Variants in TC2N observed in about 807,000 individuals in gnomAD.
TC2N encodes the protein tandem C2 domains nuclear protein.
TC2N carries 51 observed loss-of-function variants against 61.9 expected under a neutral mutation model. The observed-to-expected ratio is 0.82, with a 90% CI of 0.66 to 1.04. The LOEUF is 1.04. Ranked by LOEUF, TC2N falls within the 50% of genes least tolerant of loss-of-function variation. The pLI is 0.00. For missense variants in TC2N, 556 were observed against 566.7 expected (o/e 0.98, Z 0.19); for synonymous variants, 204 against 192.6 (o/e 1.06, Z -0.49).
intron 1 of TC2N, among the ~76,000 whole-genome samples, chr14:91,823,671 G>T (rs1228669523): frequency 6.6e-6 from 1 of 151,594 alleles, no homozygotes; most frequent in African/African-American, 2.4e-5. Context: ...ATTGCTTTAG[G>T]TAGGGTATGG....
rs571342006 is a variant in TC2N, at chr14:91,802,220, A to G, written c.469+34T>C. On this transcript the variant is annotated intron_variant, in intron 4 of 11. Coordinates refer to ENST00000435962, the MANE Select transcript of TC2N (RefSeq NM_001128596.3). ...TGATTTCTAAATTTCTTAAAGAGAA[A>G]CACAGAGAGGAAAAGCACAAAAGAT... 3.4e-6 allele frequency: 5 copies of G among 1,483,610 alleles called. No homozygotes were observed. In the African/African-American group the frequency reaches 7.3e-5, roughly 22 times the overall value. 91.9% of individuals were successfully genotyped at this position (1,483,610 alleles called of 1,614,324 possible). A position where few individuals can be genotyped will look rare whatever the true frequency, so the allele number is the denominator to read the frequency against.
Position 91,783,185 on chromosome 14 carries a change from T to C in TC2N, c.1388A>G (p.Asn463Ser). Reference protein sequence around the residue: ...GQIWISEDSNNIEAVNQWKET... With the variant: ...GQIWISEDSNSIEAVNQWKET... ...TTTCCACTGGTTCACTGCTTCAATG[T>C]TATTACTGTCTTCACTTATCCAAAT... Residue 463 changes from asparagine to serine, a missense_variant, in exon 12 of 12, where the codon AAC becomes AGC. Physicochemically the swap from Asn to Ser is conservative, Grantham distance 46. Transcript: ENST00000435962. 6.2e-7 allele frequency: 1 copy of C among 1,609,970 alleles called. No homozygotes were observed. The highest frequency in any genetic ancestry group is 1.1e-5 in the South Asian group (1 of 90,800).
In TC2N at chr14:91,820,265, A is replaced by G. The variant is rs537173073; in HGVS notation, c.-56-6440T>C. 6.2e-4 allele frequency among the ~76,000 whole-genome samples: 94 copies of G among 152,220 alleles called. 3 individuals carry two copies. In the South Asian group the frequency reaches 0.019, roughly 31 times the overall value. On this transcript the variant is annotated intron_variant, in intron 1 of 11. Coordinates refer to ENST00000435962, the MANE Select transcript of TC2N (RefSeq NM_001128596.3). ...AGCCAAATCCAGAAACGTATAAAAG[A>G]TTTATGTATCATAACCAAGCAAGAT... is the stretch of plus-strand genomic sequence containing the variant.
At chr14:91,812,279 T>C (rs1178641334) in intron 3 of TC2N, 33 bp downstream of exon 3, 1 of 1,246,762 alleles carries the variant, frequency 8.0e-7, no homozygotes, top group Admixed American at 2.0e-5. Context: ...ATGCTACATA[T>C]CGATTTTTAA....
chr14:91,787,141 A>T lies in TC2N; in HGVS notation c.1162+372T>A, dbSNP rs183324677. Among the ~76,000 whole-genome samples the T allele has an allele frequency of 3.5e-4, 54 of 152,214 alleles. No homozygotes were observed. In the East Asian group the frequency reaches 9.7e-3, roughly 27 times the overall value. On this transcript the variant is annotated intron_variant, in intron 10 of 11. Coordinates refer to ENST00000435962, the MANE Select transcript of TC2N (RefSeq NM_001128596.3). The stretch of plus-strand genomic sequence containing the variant: ...TTCTAGGTTTGTTTTTGATATATAT[A>T]TTTTTTACAATTAAGTTTCTAGTTA...
At chr14:91,861,759 C>A (rs1400089930) in intron 1 of TC2N, among the ~76,000 whole-genome samples, 1 of 152,082 alleles carries the variant, frequency 6.6e-6, no homozygotes, top group Non-Finnish European at 1.5e-5. Flanking sequence ...CCTATTTTTA[C>A]TAGCCAGGCC....
At chr14:91,842,224 A>G (rs1038078577) in intron 1 of TC2N, among the ~76,000 whole-genome samples, 2 of 152,126 alleles carry the variant, frequency 1.3e-5, no homozygotes, top group African/African-American at 4.8e-5. Context: ...GGTTCAAGCC[A>G]TCTGCCCACC....
chr14:91,812,247 A>G (rs935817289), intron 3 of TC2N, 65 bp downstream of exon 3: 12 of 820,118 alleles, frequency 1.5e-5, no homozygotes, highest in Admixed American at 7.0e-5. Flanking sequence ...TAAAAATATA[A>G]AAGTAAAATA....
At chr14:91,828,696 C>A (rs1374155445) in intron 1 of TC2N, among the ~76,000 whole-genome samples, 1 of 152,020 alleles carries the variant, frequency 6.6e-6, no homozygotes, top group Non-Finnish European at 1.5e-5. Context: ...TAGAGTTTAT[C>A]ATAATAGGAT....
chr14:91,805,175 A>G (rs574318374), intron 3 of TC2N, among the ~76,000 whole-genome samples: 57 of 152,264 alleles, frequency 3.7e-4, no homozygotes, highest in African/African-American at 1.3e-3. Context: ...CATGGCAATG[A>G]TTGTCATCAA....
intron 1 of TC2N, among the ~76,000 whole-genome samples, chr14:91,826,156 C>T (rs1887489273): frequency 6.6e-6 from 1 of 151,766 alleles, no homozygotes; most frequent in African/African-American, 2.4e-5. Flanking sequence ...CCTATCTCTA[C>T]AAAAAATTAA....
At chr14:91,843,973 T>C (rs1595273303) in intron 1 of TC2N, among the ~76,000 whole-genome samples, 2 of 152,264 alleles carry the variant, frequency 1.3e-5, no homozygotes, top group Middle Eastern at 6.8e-3. Context: ...CTAATGATGT[T>C]GGGATAGTTT....
chr14:91,790,687 T>C (rs76750875), intron 9 of TC2N, among the ~76,000 whole-genome samples: 1,634 of 152,300 alleles, frequency 0.011, 30 homozygotes, highest in African/African-American at 0.035. Context: ...GTTTTTAAAG[T>C]TTTAATATAT....
At chr14:91,844,478 T>A (rs992619356) in intron 1 of TC2N, among the ~76,000 whole-genome samples, 1 of 152,104 alleles carries the variant, frequency 6.6e-6, no homozygotes, top group African/African-American at 2.4e-5. Flanking sequence ...AAAACCATCT[T>A]ATGGGCCCAA....
chr14:91,797,138 CAAAG>C (rs1021588656), intron 8 of TC2N, among the ~76,000 whole-genome samples: 16 of 151,308 alleles, frequency 1.1e-4, no homozygotes, highest in Non-Finnish European at 1.8e-4. Flanking sequence ...AAGAAGAAAG[CAAAG>C]AAAGAAAGAG....
At chr14:91,820,972 A>C (rs1419700971) in intron 1 of TC2N, among the ~76,000 whole-genome samples, 1 of 152,076 alleles carries the variant, frequency 6.6e-6, no homozygotes, top group Non-Finnish European at 1.5e-5. Context: ...ACTTGTGAAG[A>C]TATCCCATGT....
chr14:91,855,846 G>T (rs553290845), intron 1 of TC2N, among the ~76,000 whole-genome samples: 28 of 152,264 alleles, frequency 1.8e-4, no homozygotes, highest in African/African-American at 6.7e-4. Flanking sequence ...GAAGTGCCGA[G>T]GTTGGAGTCA....
chr14:91,853,295 GC>G (rs1429568962), intron 1 of TC2N, among the ~76,000 whole-genome samples: 2 of 152,178 alleles, frequency 1.3e-5, no homozygotes, highest in Admixed American at 6.5e-5. Flanking sequence ...AACTGATTCT[GC>G]CTATAATGAA....
chr14:91,804,732 T>C (rs1268882317), intron 3 of TC2N, among the ~76,000 whole-genome samples: 1 of 152,172 alleles, frequency 6.6e-6, no homozygotes, highest in Non-Finnish European at 1.5e-5. Flanking sequence ...TTCAGGGATA[T>C]GAGCTTAGGT....
Sources: gnomAD v4.1 joint callset for allele counts (sites outside exome capture counted in the v4.1 genomes callset) on GRCh38, gnomAD v4.1.1 for gene constraint, MANE v1.5 for transcripts, NCBI Gene and HGNC (gene_info 2026-07-23, HGNC 2026-07-21) for gene names.